Variants in RRAGD observed in about 807,000 individuals in gnomAD.
RRAGD encodes ras-related GTP-binding protein D.
A neutral mutation model predicts 35.5 loss-of-function variants in RRAGD; 12 were observed. The ratio of observed to expected loss-of-function variants is 0.34; its 90% CI spans 0.22 to 0.55. The LOEUF (loss-of-function observed/expected upper bound fraction) is 0.55, where lower values mean the gene tolerates loss of function less well. Among genes scored for constraint, RRAGD ranks in the 20% least tolerant of loss-of-function variants. The probability of loss-of-function intolerance (pLI) is 0.91; values close to 1 mark genes in which losing one functional copy is unlikely to be tolerated. For synonymous variants in RRAGD, 155 were observed against 178.9 expected (o/e 0.87, Z 1.07); for missense variants, 324 against 490.1 (o/e 0.66, Z 3.20).
intron 1 of RRAGD, among the ~76,000 whole-genome samples, chr6:89,390,390 G>A (rs1769210588): frequency 2.6e-5 from 4 of 152,118 alleles, no homozygotes; most frequent in Admixed American, 2.6e-4. Context: ...AGACACTAAA[G>A]GCCAATACAC....
chr6:89,405,867 T>A (rs1043835938), intron 1 of RRAGD, among the ~76,000 whole-genome samples: 27 of 152,170 alleles, frequency 1.8e-4, no homozygotes, highest in Non-Finnish European at 2.2e-4. Context: ...TACTTATACA[T>A]TCAAGACCCA....
chr6:89,411,994 C>T lies in RRAGD; in HGVS notation c.-1G>A, dbSNP rs1315976578. ...GCGGCTTCCCCAGCACCTGGCTCAT[C>T]GTGCCCACCGGCCGGCCGGCCCGGG... On this transcript the variant is annotated 5_prime_UTR_variant, in exon 1 of 7. Coordinates refer to ENST00000369415, the MANE Select transcript of RRAGD (RefSeq NM_021244.5). The surrounding 1 kb of genome is among the most constrained non-coding windows in gnomAD (Gnocchi z 5.6). The T allele has an allele frequency of 7.2e-6, 11 of 1,527,650 alleles. No homozygotes were observed. In the East Asian group the frequency reaches 2.5e-4, roughly 35 times the overall value. 94.6% of individuals were successfully genotyped at this position (1,527,650 alleles called of 1,614,324 possible). A position where few individuals can be genotyped will look rare whatever the true frequency, so the allele number is the denominator to read the frequency against.
At chr6:89,401,123 G>C (rs985804301) in intron 1 of RRAGD, among the ~76,000 whole-genome samples, 1 of 152,170 alleles carries the variant, frequency 6.6e-6, no homozygotes, top group Non-Finnish European at 1.5e-5. Context: ...GAGTCTTAAA[G>C]GAGAGGAGGC....
intron 5 of RRAGD, 43 bp downstream of exon 5, chr6:89,377,628 G>A (rs760488023): frequency 4.0e-6 from 6 of 1,487,870 alleles, no homozygotes; most frequent in Non-Finnish European, 5.4e-6. Context: ...AGGTTATGAA[G>A]GAAGGATGGC....
At chr6:89,381,440 A>G (rs967139849) in intron 2 of RRAGD, among the ~76,000 whole-genome samples, 1 of 152,176 alleles carries the variant, frequency 6.6e-6, no homozygotes, top group African/African-American at 2.4e-5. Context: ...ACACCTACAC[A>G]AAAGCCCTCT....
rs1467145900 is a variant in RRAGD, at chr6:89,365,014, A to G, written c.*3042T>C. 1 of 152,220 alleles carries G rather than the reference A, an allele frequency of 6.6e-6. No homozygotes were observed. The highest frequency in any genetic ancestry group is 1.9e-4 in the East Asian group (1 of 5,202). The allele number at this position is 152,220 out of a possible 1,614,324, so 9.4% of individuals were successfully genotyped here. On this transcript the variant is annotated 3_prime_UTR_variant, in exon 7 of 7. Transcript: ENST00000369415. ...TCCAGTCTGTACAAGTTGAATACAT[A>G]CCATACTTTAATAACCAAGACAATT... is the stretch of plus-strand genomic sequence containing the variant.
intron 1 of RRAGD, among the ~76,000 whole-genome samples, chr6:89,395,512 T>A (rs1362129892): frequency 6.6e-6 from 1 of 152,244 alleles, no homozygotes; most frequent in Non-Finnish European, 1.5e-5. Flanking sequence ...CATGCTGTTT[T>A]ATGTTTAATT....
chr6:89,383,240 G>T (rs940739128), intron 2 of RRAGD, among the ~76,000 whole-genome samples: 1 of 152,248 alleles, frequency 6.6e-6, no homozygotes, highest in African/African-American at 2.4e-5. Context: ...ACTGAGGAGG[G>T]GAGTTAAGGG....
chr6:89,409,606 A>C (rs1037714167), intron 1 of RRAGD, among the ~76,000 whole-genome samples: 1 of 151,930 alleles, frequency 6.6e-6, no homozygotes, highest in Non-Finnish European at 1.5e-5. Flanking sequence ...GGAAGTCACA[A>C]CTCCCAACCT....
At chr6:89,380,435 C>T in intron 2 of RRAGD, 68 bp from the exon 3 acceptor site, 1 of 1,370,818 alleles carries the variant, frequency 7.3e-7, no homozygotes, top group Non-Finnish European at 1.0e-6. Flanking sequence ...ACACACTCTT[C>T]ACCTGGAAAC....
At chr6:89,401,985 G>A (rs967012864) in intron 1 of RRAGD, among the ~76,000 whole-genome samples, 8 of 150,788 alleles carry the variant, frequency 5.3e-5, no homozygotes, top group Non-Finnish European at 1.2e-4. Flanking sequence ...GCTCAGGAGG[G>A]TGATACTGGG....
At chr6:89,406,517 G>A (rs143943632) in intron 1 of RRAGD, among the ~76,000 whole-genome samples, 4 of 152,170 alleles carry the variant, frequency 2.6e-5, no homozygotes, top group African/African-American at 7.2e-5. Flanking sequence ...GTTAGACGTC[G>A]AGAGGACGTT....
intron 1 of RRAGD, among the ~76,000 whole-genome samples, chr6:89,405,083 G>C (rs56178304): frequency 0.2 from 30,717 of 151,984 alleles, 3,252 homozygotes; most frequent in Middle Eastern, 0.25. Context: ...AGGCACGGTG[G>C]CTCACACCTG....
chr6:89,385,421 A>G (rs566250996), intron 2 of RRAGD, among the ~76,000 whole-genome samples: 30 of 152,188 alleles, frequency 2.0e-4, no homozygotes, highest in Non-Finnish European at 4.0e-4. Context: ...AGCTTAGAAG[A>G]GAGAGATGAG....
At chr6:89,391,004 T>C (rs1240458156) in intron 1 of RRAGD, among the ~76,000 whole-genome samples, 1 of 152,130 alleles carries the variant, frequency 6.6e-6, no homozygotes, top group Admixed American at 6.5e-5. Flanking sequence ...TCTACACGAA[T>C]GTTCACAGCA....
At chr6:89,384,251 A>G (rs1417747495) in intron 2 of RRAGD, among the ~76,000 whole-genome samples, 1 of 152,378 alleles carries the variant, frequency 6.6e-6, no homozygotes, top group East Asian at 1.9e-4. Flanking sequence ...ACAGAAAAGT[A>G]TATTAGGTTT....
At chr6:89,403,624 T>C (rs1225997068) in intron 1 of RRAGD, among the ~76,000 whole-genome samples, 3 of 124,328 alleles carry the variant, frequency 2.4e-5, no homozygotes, top group African/African-American at 3.6e-5. Context: ...TGGTTTTCTT[T>C]TTCTTTTTTT....
intron 1 of RRAGD, among the ~76,000 whole-genome samples, chr6:89,393,816 T>G (rs1349619891): frequency 6.6e-6 from 1 of 152,164 alleles, no homozygotes; most frequent in Admixed American, 6.5e-5. Context: ...CTCAGAGATG[T>G]AAGAAAATAT....
chr6:89,379,212 T>A lies in RRAGD; in HGVS notation c.759+12A>T. Reference sequence around the variant, plus strand: ...TCTACAAGTGACTCAAACAGGAATATTATTTACTTACTGAGATAAAGATGT... The same window carrying A: ...TCTACAAGTGACTCAAACAGGAATAATATTTACTTACTGAGATAAAGATGT... On this transcript the variant is annotated intron_variant, in intron 4 of 6. Coordinates refer to ENST00000369415, the MANE Select transcript of RRAGD (RefSeq NM_021244.5). 4 of 1,373,342 alleles carry A rather than the reference T, an allele frequency of 2.9e-6. 1 individual carries two copies. In the South Asian group the frequency reaches 4.9e-5, roughly 17 times the overall value. The allele number at this position is 1,373,342 out of a possible 1,614,324, so 85.1% of individuals were successfully genotyped here.
Sources: gnomAD v4.1 joint callset for allele counts (sites outside exome capture counted in the v4.1 genomes callset) on GRCh38, gnomAD v4.1.1 for gene constraint, Gnocchi (gnomAD v3.1) non-coding constraint, MANE v1.5 for transcripts, NCBI Gene and HGNC (gene_info 2026-07-23, HGNC 2026-07-21) for gene names.